Variants in IFT88 observed in about 807,000 individuals in gnomAD.
The protein encoded by IFT88 is intraflagellar transport 88.
Under a neutral mutation model 119.5 loss-of-function variants are expected in IFT88, and 74 were observed. The ratio of observed to expected loss-of-function variants is 0.62; its 90% CI spans 0.51 to 0.75. IFT88 has a LOEUF of 0.75. IFT88 is among the 30% of genes least tolerant of loss of function. The probability of loss-of-function intolerance (pLI) is 0.00; values close to 1 mark genes in which losing one functional copy is unlikely to be tolerated. For missense variants in IFT88, 961 were observed against 977.7 expected (o/e 0.98, Z 0.23); for synonymous variants, 279 against 316.7 (o/e 0.88, Z 1.26).
chr13:20,581,838 G>A (rs2038726571), intron 2 of IFT88, among the ~76,000 whole-genome samples: 1 of 127,548 alleles, frequency 7.8e-6, no homozygotes, highest in African/African-American at 3.0e-5. Context: ...GGAGGTTGGA[G>A]TGAAACCCTG....
intron 7 of IFT88, among the ~76,000 whole-genome samples, chr13:20,593,895 T>A (rs9506524): frequency 6.6e-6 from 1 of 151,276 alleles, no homozygotes; most frequent in African/African-American, 2.4e-5. Context: ...ACAAAAAAAT[T>A]AAAAAATTAG....
chr13:20,625,958 T>C (rs1314149125), intron 15 of IFT88, 109 bp downstream of exon 15: 2 of 422,380 alleles, frequency 4.7e-6, no homozygotes, highest in East Asian at 7.3e-5. Context: ...TATTCTGAAG[T>C]TGAATAATAT....
chr13:20,574,353 C>T (rs1176265713), intron 1 of IFT88, 27 bp from the exon 2 acceptor site: 3 of 1,349,050 alleles, frequency 2.2e-6, no homozygotes, highest in Non-Finnish European at 3.2e-6. Flanking sequence ...ATACCAAGAA[C>T]ATATTTACAC....
chr13:20,620,013 A>G (rs1244724862), intron 14 of IFT88, among the ~76,000 whole-genome samples: 1 of 152,168 alleles, frequency 6.6e-6, no homozygotes, highest in Non-Finnish European at 1.5e-5. Context: ...TGCCCGTTCA[A>G]GACTTTTGCC....
chr13:20,591,329 G>T (rs559383259), intron 5 of IFT88, among the ~76,000 whole-genome samples: 1 of 152,172 alleles, frequency 6.6e-6, no homozygotes, highest in African/African-American at 2.4e-5. Flanking sequence ...AATTTCTGTG[G>T]TTTCTCTCAT....
chr13:20,652,333 C>T (rs535063222), intron 20 of IFT88, among the ~76,000 whole-genome samples: 1 of 152,236 alleles, frequency 6.6e-6, no homozygotes, highest in Non-Finnish European at 1.5e-5. Context: ...AGTAATTCAG[C>T]TCTTAATAAA....
intron 13 of IFT88, among the ~76,000 whole-genome samples, chr13:20,609,341 G>A (rs960607545): frequency 8.5e-5 from 13 of 152,252 alleles, no homozygotes; most frequent in East Asian, 7.7e-4. Flanking sequence ...ACAAGACCAC[G>A]GCGTTTTGGT....
intron 24 of IFT88, among the ~76,000 whole-genome samples, chr13:20,680,598 G>A (rs1189291364): frequency 1.3e-5 from 2 of 152,214 alleles, no homozygotes; most frequent in Non-Finnish European, 2.9e-5. Flanking sequence ...TCCGCCATCT[G>A]TGTCAACTTC....
intron 14 of IFT88, 23 bp from the exon 15 acceptor site, chr13:20,625,727 G>GT (rs1566247289): frequency 3.3e-6 from 5 of 1,522,042 alleles, no homozygotes; most frequent in East Asian, 2.3e-5. Context: ...ATCAAGTAAG[G>GT]TTTTTTATGC....
rs141434106 is a variant in IFT88 at position 20,652,789 on chromosome 13, G to A, written c.1950-1087G>A. Among the ~76,000 whole-genome samples the A allele has an allele frequency of 1.6e-3, 250 of 152,262 alleles. 1 individual carries two copies. The highest frequency in any genetic ancestry group is 5.8e-3 in the African/African-American group (243 of 41,548). The stretch of plus-strand genomic sequence containing the variant: ...AAATGCAACACTAAGTGATTCTAGG[G>A]TGTTAGGAGAGCATATGGAACAGTC... On this transcript the variant is annotated intron_variant, in intron 20 of 25. Transcript: ENST00000351808.
chr13:20,688,020 C>T (rs1387815759), intron 24 of IFT88, among the ~76,000 whole-genome samples: 1 of 152,192 alleles, frequency 6.6e-6, no homozygotes, highest in African/African-American at 2.4e-5. Flanking sequence ...ACTGGCAATA[C>T]TCTGAGTAGG....
intron 14 of IFT88, among the ~76,000 whole-genome samples, chr13:20,620,867 A>G (rs2139810708): frequency 6.6e-6 from 1 of 152,280 alleles, no homozygotes; most frequent in East Asian, 1.9e-4. Context: ...GCCCTTATAA[A>G]AAGAGACTCT....
At chr13:20,615,258 T>TAA (rs1368241521) in intron 13 of IFT88, among the ~76,000 whole-genome samples, 1 of 152,234 alleles carries the variant, frequency 6.6e-6, no homozygotes, top group Non-Finnish European at 1.5e-5. Context: ...CCCACCACTA[T>TAA]AAATTGGTAT....
At chr13:20,619,050 G>A (rs1303582729) in intron 14 of IFT88, among the ~76,000 whole-genome samples, 2 of 151,984 alleles carry the variant, frequency 1.3e-5, no homozygotes, top group Middle Eastern at 3.2e-3. Flanking sequence ...TTGAGATGGG[G>A]TTTCACCGTG....
intron 13 of IFT88, among the ~76,000 whole-genome samples, chr13:20,606,980 C>T (rs1436276853): frequency 6.6e-6 from 1 of 152,210 alleles, no homozygotes; most frequent in Non-Finnish European, 1.5e-5. Context: ...AGAAACCTAT[C>T]TCTAGGCCCA....
chr13:20,605,193 TTAAAA>T (rs772741761), intron 13 of IFT88, 88 bp downstream of exon 13: 21 of 506,138 alleles, frequency 4.1e-5, no homozygotes, highest in Non-Finnish European at 5.8e-5. Context: ...TATTTGAAAC[TTAAAA>T]TAATTTAGTT....
rs2036984981 is a variant in IFT88, at chr13:20,574,463, C to T, written c.78C>T (p.Ile26=). 1 of 1,592,064 alleles carries T rather than the reference C, an allele frequency of 6.3e-7. No homozygotes were observed. The highest frequency in any genetic ancestry group is 8.6e-7 in the Non-Finnish European group (1 of 1,162,054). The change falls in exon 2 of 26, where the codon ATC becomes ATT. Residue 26 remains isoleucine, a synonymous_variant. Transcript: ENST00000351808. ...CCGGCTATAATGACTACAATCCAAT[C>T]TATGATATCGAGGTAACAAAAGCTA... ...LYSGYNDYNP[I]YDIEELENDA...
chr13:20,684,617 C>A (rs10870743), intron 24 of IFT88, among the ~76,000 whole-genome samples: 34,901 of 152,152 alleles, frequency 0.23, 5,436 homozygotes, highest in East Asian at 0.7. Flanking sequence ...ATTCATAGTT[C>A]CTCGGTCCTG....
At chr13:20,568,918 C>T (rs889267880) in intron 1 of IFT88, among the ~76,000 whole-genome samples, 8 of 152,006 alleles carry the variant, frequency 5.3e-5, no homozygotes, top group African/African-American at 1.9e-4. Context: ...GACGGGGTTT[C>T]ACCGTGTTAG....
Sources: gnomAD v4.1 joint callset for allele counts (sites outside exome capture counted in the v4.1 genomes callset) on GRCh38, gnomAD v4.1.1 for gene constraint, MANE v1.5 for transcripts, NCBI Gene and HGNC (gene_info 2026-07-23, HGNC 2026-07-21) for gene names.